NOS1AP: variants seen among roughly 807,000 people sequenced by gnomAD.
NOS1AP encodes the protein nitric oxide synthase 1 adaptor protein, also known as carboxyl-terminal PDZ ligand of neuronal nitric oxide synthase protein.
A neutral mutation model predicts 56.2 loss-of-function variants in NOS1AP; 21 were observed. That is an observed-to-expected ratio of 0.37 (90% confidence interval 0.26 to 0.54). The LOEUF is 0.54. Among genes scored for constraint, NOS1AP ranks in the 20% least tolerant of loss-of-function variants. The probability of loss-of-function intolerance (pLI) is 0.84; values close to 1 mark genes in which losing one functional copy is unlikely to be tolerated. For missense variants in NOS1AP, 522 were observed against 657.8 expected (o/e 0.79, Z 2.26); for synonymous variants, 270 against 274.6 (o/e 0.98, Z 0.17).
chr1:162,235,843 G>A (rs1464786771), intron 2 of NOS1AP, among the ~76,000 whole-genome samples: 3 of 152,236 alleles, frequency 2.0e-5, no homozygotes, highest in Non-Finnish European at 2.9e-5. Flanking sequence ...ATGCATCCAT[G>A]TGTTTAGATC....
intron 1 of NOS1AP, among the ~76,000 whole-genome samples, chr1:162,099,175 G>A (rs1201015193): frequency 6.7e-6 from 1 of 148,702 alleles, no homozygotes; most frequent in Admixed American, 6.9e-5. Context: ...GCCAGCGTCT[G>A]TTACTTTTTG....
At chr1:162,248,470 T>A (rs1653745885) in intron 2 of NOS1AP, among the ~76,000 whole-genome samples, 1 of 152,306 alleles carries the variant, frequency 6.6e-6, no homozygotes, top group African/African-American at 2.4e-5. Context: ...GATTAAAAAA[T>A]CAACTCTTTA....
At chr1:162,185,822 C>T (rs755722327) in intron 2 of NOS1AP, among the ~76,000 whole-genome samples, 9 of 152,148 alleles carry the variant, frequency 5.9e-5, no homozygotes, top group Admixed American at 6.5e-5. Flanking sequence ...AAACCCTATG[C>T]ATGCAAATTC....
At position 162,365,500 on chromosome 1, in the gene NOS1AP, C is replaced by A. The variant is rs878914773; in HGVS notation, c.1036C>A (p.Leu346Ile). 5.0e-6 allele frequency: 8 copies of A among 1,613,806 alleles called. No individual in the cohort carries two copies. The African/African-American group carries it at 8.0e-5, about 16-fold the overall frequency. ...GCTTTTGCTGCAGAACAAGGACATGCTCCAGCACATCTCCCTGCTGGTCAA... is the reference window on the plus strand; with the variant it reads ...GCTTTTGCTGCAGAACAAGGACATGATCCAGCACATCTCCCTGCTGGTCAA... The part of the protein sequence containing the change: ...HQLLLQNKDM[L>I]QHISLLVKQV... The change falls in exon 9 of 10, where the codon CTC (leucine) becomes ATC (isoleucine). Residue 346 changes from leucine (L) to isoleucine (I), a missense_variant. Transcript: ENST00000361897.
At chr1:162,259,472 T>C (rs896420249) in intron 2 of NOS1AP, among the ~76,000 whole-genome samples, 4 of 152,240 alleles carry the variant, frequency 2.6e-5, no homozygotes, top group Non-Finnish European at 5.9e-5. Context: ...TTTTATACAA[T>C]AGTTTGACTT....
intron 4 of NOS1AP, among the ~76,000 whole-genome samples, chr1:162,321,082 T>C (rs185095658): frequency 1.5e-3 from 233 of 152,288 alleles, no homozygotes; most frequent in African/African-American, 5.3e-3. Context: ...TTTAAGTCTT[T>C]AATCCATCTT....
chr1:162,231,887 A>C (rs1653135557), intron 2 of NOS1AP, among the ~76,000 whole-genome samples: 2 of 152,254 alleles, frequency 1.3e-5, no homozygotes, highest in African/African-American at 4.8e-5. Flanking sequence ...GAAACCACCT[A>C]TGTATTGAAA....
chr1:162,111,390 G>C lies in NOS1AP; in HGVS notation c.105+41108G>C, dbSNP rs540964746. ...CCCACATCCTCATCCCAGCCCCCTGGTGATGTAGGCGTGGTTGGGGCGAGG... is the reference window on the plus strand; with the variant it reads ...CCCACATCCTCATCCCAGCCCCCTGCTGATGTAGGCGTGGTTGGGGCGAGG... On this transcript the variant is annotated intron_variant, in intron 1 of 9. Transcript: ENST00000361897. 1.3e-4 allele frequency among the ~76,000 whole-genome samples: 20 copies of C among 152,346 alleles called. No homozygotes were observed. The South Asian group carries it at 3.9e-3, about 30-fold the overall frequency.
In NOS1AP at chr1:162,188,080, GTTT is replaced by G. The variant is rs973516212; in HGVS notation, c.177+33605_177+33607del. 6.6e-6 allele frequency among the ~76,000 whole-genome samples: 1 copy of G among 152,178 alleles called. No homozygotes were observed. The highest frequency in any genetic ancestry group is 6.5e-5 in the Admixed American group (1 of 15,274). ...TAGCAGCAGCCCAAAGCCAAAACCA[GTTT>G]AATTACCCATTGACTGTTTTCCCAT... On this transcript the variant is annotated intron_variant, in intron 2 of 9. Transcript: ENST00000361897. The surrounding 1 kb of genome is among the most constrained non-coding windows in gnomAD (Gnocchi z 4.0).
chr1:162,208,664 A>G (rs1211732166), intron 2 of NOS1AP, among the ~76,000 whole-genome samples: 1 of 152,186 alleles, frequency 6.6e-6, no homozygotes, highest in Non-Finnish European at 1.5e-5. Flanking sequence ...ACATTGCCAA[A>G]TGTTCCCTGA....
At chr1:162,351,676 C>T (rs949299608) in intron 6 of NOS1AP, among the ~76,000 whole-genome samples, 19 of 152,158 alleles carry the variant, frequency 1.2e-4, no homozygotes, top group Admixed American at 3.9e-4. Flanking sequence ...TAGATAAGGT[C>T]GGGTCTTTCT....
chr1:162,144,704 C>T (rs914335907), intron 1 of NOS1AP, among the ~76,000 whole-genome samples: 3 of 152,272 alleles, frequency 2.0e-5, no homozygotes, highest in East Asian at 1.9e-4. Context: ...CTCTGTGACA[C>T]GAGCCAGAGA....
intron 5 of NOS1AP, among the ~76,000 whole-genome samples, chr1:162,333,923 T>C (rs1397763159): frequency 1.3e-5 from 2 of 152,232 alleles, no homozygotes; most frequent in Admixed American, 6.5e-5. Context: ...CCATGTAATA[T>C]GTGTTAATAT....
chr1:162,301,767 G>A (rs937227471), intron 4 of NOS1AP, among the ~76,000 whole-genome samples: 1 of 152,152 alleles, frequency 6.6e-6, no homozygotes, highest in Non-Finnish European at 1.5e-5. Context: ...TTAGGAATTT[G>A]GGGACGTAGA....
rs925701900 is a variant in NOS1AP at position 162,069,941 on chromosome 1, G to A, written c.-237G>A. 1.3e-4 allele frequency: 30 copies of A among 226,370 alleles called. No individual in the cohort carries two copies. Among genetic ancestry groups the A allele is most frequent in the African/African-American group, 6.7e-4 (29 of 43,168 alleles). The allele number at this position is 226,370 out of a possible 1,614,324, so 14.0% of individuals were successfully genotyped here. A position where few individuals can be genotyped will look rare whatever the true frequency, so the allele number is the denominator to read the frequency against. The stretch of plus-strand genomic sequence containing the variant: ...TCCTCCCCTGCCGCCCTCCTAGCCG[G>A]CAGGAATTGCGCGACCACAGCGCCG... On this transcript the variant is annotated 5_prime_UTR_variant, in exon 1 of 10. Transcript: ENST00000361897.
At chr1:162,321,731 A>ATATATATATATATATATAT (rs1553205807) in intron 4 of NOS1AP, among the ~76,000 whole-genome samples, 1 of 128,486 alleles carries the variant, frequency 7.8e-6, no homozygotes, top group African/African-American at 2.9e-5. Context: ...AAAAAAAAAA[A>ATATATATATATATATATAT]ATATATATAT....
At chr1:162,250,673 T>C (rs1557848920) in intron 2 of NOS1AP, among the ~76,000 whole-genome samples, 1 of 152,190 alleles carries the variant, frequency 6.6e-6, no homozygotes. Flanking sequence ...CACAGCCCTA[T>C]GGTGATGCAG....
intron 2 of NOS1AP, among the ~76,000 whole-genome samples, chr1:162,200,782 T>G (rs1163287216): frequency 6.6e-6 from 1 of 152,172 alleles, no homozygotes; most frequent in South Asian, 2.1e-4. Context: ...TATCTCAAGT[T>G]GGAGGAAACA....
intron 1 of NOS1AP, among the ~76,000 whole-genome samples, chr1:162,140,170 C>T (rs1649177210): frequency 6.6e-6 from 1 of 152,152 alleles, no homozygotes; most frequent in Non-Finnish European, 1.5e-5. Context: ...CTCTGTGTCC[C>T]AGAGAAGACC....
Sources: gnomAD v4.1 joint callset for allele counts (sites outside exome capture counted in the v4.1 genomes callset) on GRCh38, gnomAD v4.1.1 for gene constraint, Gnocchi (gnomAD v3.1) non-coding constraint, MANE v1.5 for transcripts, NCBI Gene and HGNC (gene_info 2026-07-23, HGNC 2026-07-21) for gene names.